The following SNTG1 variants were observed in gnomAD, a reference collection of about 807,000 sequenced individuals.
The protein encoded by SNTG1 is syntrophin gamma 1.
SNTG1 carries 39 observed loss-of-function variants against 74.7 expected under a neutral mutation model. The ratio of observed to expected loss-of-function variants is 0.52; its 90% CI spans 0.40 to 0.68. SNTG1 has a LOEUF of 0.68. Ranked by LOEUF, SNTG1 falls within the 30% of genes least tolerant of loss-of-function variation. The pLI is 0.00. For missense variants in SNTG1, 685 were observed against 609.5 expected, an observed-to-expected ratio of 1.12 and a Z score of -1.30; for synonymous variants, 254 against 217.1, an observed-to-expected ratio of 1.17 and a Z score of -1.49.
At chr8:50,148,991 T>A (rs551758336) in intron 1 of SNTG1, among the ~76,000 whole-genome samples, 1 of 152,318 alleles carries the variant, frequency 6.6e-6, no homozygotes, top group South Asian at 2.1e-4. Context: ...TCCACAATGG[T>A]TGAATTAGTT....
chr8:49,952,161 A>G (rs1235370762), intron 1 of SNTG1, among the ~76,000 whole-genome samples: 1 of 152,188 alleles, frequency 6.6e-6, no homozygotes, highest in African/African-American at 2.4e-5. Context: ...GTTTGTCTTC[A>G]TTCACATAAC....
At chr8:50,769,644 T>C (rs768609134) in intron 18 of SNTG1, among the ~76,000 whole-genome samples, 3 of 152,064 alleles carry the variant, frequency 2.0e-5, no homozygotes, top group Non-Finnish European at 4.4e-5. Context: ...TGTATAAATT[T>C]AGGTCTCCTC....
intron 8 of SNTG1, among the ~76,000 whole-genome samples, chr8:50,469,642 A>C (rs13278126): frequency 6.6e-6 from 1 of 151,948 alleles, no homozygotes; most frequent in Non-Finnish European, 1.5e-5. Flanking sequence ...TTCTCCCCTG[A>C]TCTCTTCATG....
intron 8 of SNTG1, among the ~76,000 whole-genome samples, chr8:50,497,348 T>G (rs2093913644): frequency 6.6e-6 from 1 of 152,034 alleles, no homozygotes; most frequent in South Asian, 2.1e-4. Flanking sequence ...AAATTGATTT[T>G]CATACCATTA....
intron 12 of SNTG1, among the ~76,000 whole-genome samples, chr8:50,581,713 T>A (rs1327428785): frequency 6.6e-6 from 1 of 152,112 alleles, no homozygotes; most frequent in Non-Finnish European, 1.5e-5. Flanking sequence ...AATGGAAGCT[T>A]TTATTGGCAC....
intron 2 of SNTG1, among the ~76,000 whole-genome samples, chr8:50,189,539 C>T (rs1314013609): frequency 6.6e-6 from 1 of 152,096 alleles, no homozygotes; most frequent in Non-Finnish European, 1.5e-5. Flanking sequence ...TATAAGTTGA[C>T]TGTAATATGA....
intron 1 of SNTG1, among the ~76,000 whole-genome samples, chr8:50,129,528 A>G (rs1021016454): frequency 3.3e-5 from 5 of 152,158 alleles, no homozygotes; most frequent in African/African-American, 1.2e-4. Flanking sequence ...GCAAAGCACA[A>G]GCTACTATGG....
At position 50,682,492 on chromosome 8, in the gene SNTG1, G is replaced by T. The variant is rs185423084; in HGVS notation, c.1039-22108G>T. Among the ~76,000 whole-genome samples, 355 of 152,196 alleles carry T rather than the reference G, an allele frequency of 2.3e-3. 2 individuals are homozygous for T. The highest frequency in any genetic ancestry group is 8.3e-3 in the African/African-American group (344 of 41,536). The stretch of plus-strand genomic sequence containing the variant: ...AAAGTTGTGAAACTAGAAGCAAGGG[G>T]TCAAAGAGGACAAGGAAGTTAAACT... On this transcript the variant is annotated intron_variant, in intron 15 of 18. Transcript: ENST00000642720.
intron 17 of SNTG1, among the ~76,000 whole-genome samples, chr8:50,725,135 T>C (rs956177018): frequency 7.2e-5 from 11 of 152,224 alleles, no homozygotes; most frequent in Admixed American, 3.9e-4. Flanking sequence ...GAATGATTTG[T>C]AAATATACCT....
intron 1 of SNTG1, among the ~76,000 whole-genome samples, chr8:50,059,767 C>T (rs1162498044): frequency 2.6e-5 from 4 of 151,976 alleles, no homozygotes; most frequent in Non-Finnish European, 4.4e-5. Context: ...ATTAACTATA[C>T]CTTTTGGGTA....
intron 2 of SNTG1, among the ~76,000 whole-genome samples, chr8:50,345,537 T>C (rs760070058): frequency 6.6e-6 from 1 of 152,174 alleles, no homozygotes; most frequent in Non-Finnish European, 1.5e-5. Context: ...CCTGGGAAGA[T>C]AAAACATGTA....
At chr8:50,048,581 T>C (rs963491249) in intron 1 of SNTG1, among the ~76,000 whole-genome samples, 1 of 152,156 alleles carries the variant, frequency 6.6e-6, no homozygotes, top group Non-Finnish European at 1.5e-5. Context: ...TATCAAAACA[T>C]AGAAAAGGTG....
chr8:50,533,040 C>A (rs1445283537), intron 10 of SNTG1, among the ~76,000 whole-genome samples: 2 of 152,186 alleles, frequency 1.3e-5, no homozygotes, highest in Non-Finnish European at 2.9e-5. Context: ...CACTATCCTA[C>A]ATAAAAATAT....
intron 1 of SNTG1, among the ~76,000 whole-genome samples, chr8:49,998,427 A>T (rs1254786030): frequency 6.6e-6 from 1 of 152,166 alleles, no homozygotes. Context: ...TACTTTATAA[A>T]CTTAATTTTT....
intron 13 of SNTG1, among the ~76,000 whole-genome samples, chr8:50,635,483 T>G (rs1185657331): frequency 6.6e-5 from 10 of 152,196 alleles, no homozygotes; most frequent in African/African-American, 2.4e-4. Flanking sequence ...CTACGGCAGC[T>G]GAGCCAGCAG....
At chr8:50,686,639 T>A (rs2095353588) in intron 15 of SNTG1, among the ~76,000 whole-genome samples, 1 of 152,116 alleles carries the variant, frequency 6.6e-6, no homozygotes, top group African/African-American at 2.4e-5. Flanking sequence ...TACAATTATT[T>A]AAAAATTTAT....
intron 16 of SNTG1, chr8:50,708,670 G>A (rs1017954804): frequency 5.3e-5 from 27 of 514,166 alleles, no homozygotes; most frequent in Non-Finnish European, 8.3e-5. Flanking sequence ...GAAACTCGGC[G>A]GGGCATACAC....
At chr8:50,609,118 A>G (rs1358710330) in intron 13 of SNTG1, among the ~76,000 whole-genome samples, 1 of 152,052 alleles carries the variant, frequency 6.6e-6, no homozygotes, top group Non-Finnish European at 1.5e-5. Context: ...TTTAATAAAA[A>G]TAAGTAACAG....
intron 17 of SNTG1, among the ~76,000 whole-genome samples, chr8:50,738,945 A>T (rs1051110346): frequency 6.6e-6 from 1 of 152,176 alleles, no homozygotes; most frequent in Admixed American, 6.6e-5. Flanking sequence ...CATAAGACGT[A>T]AAACCATAAA....
Sources: allele counts gnomAD v4.1 joint callset (sites outside exome capture counted in the v4.1 genomes callset), GRCh38; gene constraint gnomAD v4.1.1; transcripts MANE v1.5; gene names NCBI Gene and HGNC (gene_info 2026-07-23, HGNC 2026-07-21).